The following ZNF253 variants were observed in gnomAD, a reference collection of about 807,000 sequenced individuals.
ZNF253 encodes the protein zinc finger protein 253, also known as DNA-binding protein.
A neutral mutation model predicts 11.9 loss-of-function variants in ZNF253; 8 were observed. The ratio of observed to expected loss-of-function variants is 0.67; its 90% CI spans 0.40 to 1.22. The LOEUF is 1.22. Ranked by LOEUF, ZNF253 falls within the 50% of genes most tolerant of loss-of-function variation. The probability of loss-of-function intolerance (pLI) is 0.01; values close to 1 mark genes in which losing one functional copy is unlikely to be tolerated. For synonymous variants in ZNF253, 194 were observed against 194.9 expected (o/e 1.00, Z 0.04); for missense variants, 485 against 586.9 (o/e 0.83, Z 1.79).
chr19:19,889,798 C>T (rs779503512), intron 3 of ZNF253, among the ~76,000 whole-genome samples: 4 of 151,836 alleles, frequency 2.6e-5, no homozygotes, highest in Non-Finnish European at 4.4e-5. Context: ...TGCCACCACG[C>T]CCAGCTAATT....
intron 3 of ZNF253, among the ~76,000 whole-genome samples, chr19:19,884,668 C>T (rs540925780): frequency 1.1e-4 from 16 of 150,320 alleles, no homozygotes; most frequent in African/African-American, 3.3e-4. Flanking sequence ...CACTACACTT[C>T]GCCTGTGTTA....
At chr19:19,873,655 G>A (rs915012322) in intron 1 of ZNF253, among the ~76,000 whole-genome samples, 3 of 151,988 alleles carry the variant, frequency 2.0e-5, no homozygotes, top group Non-Finnish European at 2.9e-5. Flanking sequence ...GAGATCTGGA[G>A]ACCCAAATAG....
intron 1 of ZNF253, among the ~76,000 whole-genome samples, chr19:19,866,473 C>T (rs1255508705): frequency 6.6e-6 from 1 of 151,122 alleles, no homozygotes; most frequent in Non-Finnish European, 1.5e-5. Context: ...GACCTGATCG[C>T]AAGAGCACAC....
At chr19:19,887,593 T>C (rs1316047766) in intron 3 of ZNF253, among the ~76,000 whole-genome samples, 2 of 152,056 alleles carry the variant, frequency 1.3e-5, no homozygotes, top group African/African-American at 4.8e-5. Context: ...GTACATTTTA[T>C]AAAATATGAC....
chr19:19,877,991 G>A (rs146180888), intron 1 of ZNF253, among the ~76,000 whole-genome samples: 15 of 151,962 alleles, frequency 9.9e-5, no homozygotes, highest in South Asian at 4.2e-4. Flanking sequence ...ACAAAATACC[G>A]TTCTTGGGCC....
chr19:19,883,567 CCT>C (rs1247389378), intron 3 of ZNF253, among the ~76,000 whole-genome samples: 1 of 151,366 alleles, frequency 6.6e-6, no homozygotes, highest in African/African-American at 2.4e-5. Context: ...AGAGTGAGAC[CCT>C]GTCTCAAAAA....
Position 19,892,475 on chromosome 19 carries a change from A to G in ZNF253, c.1228A>G (p.Ile410Val). The G allele has an allele frequency of 1.2e-6, 2 of 1,613,618 alleles. 1 individual carries two copies. ...TGGCAAAACCTTTACCTGGCCCTCA[A>G]TCCTCTCCAAACATAAAAGAACTCA... The part of the protein sequence containing the change: ...ECGKTFTWPS[I>V]LSKHKRTHTG... The change falls in exon 4 of 4, where the codon ATC (isoleucine) becomes GTC (valine). Residue 410 changes from isoleucine (I) to valine (V), a missense_variant. Physicochemically the swap from Ile to Val is conservative, Grantham distance 29 (BLOSUM62 3). Coordinates refer to ENST00000589717, the MANE Select transcript of ZNF253 (RefSeq NM_021047.3).
intron 1 of ZNF253, 91 bp from the exon 2 acceptor site, chr19:19,878,390 C>T (rs2122121577): frequency 6.2e-7 from 1 of 1,600,846 alleles, no homozygotes; most frequent in Admixed American, 1.7e-5. Context: ...GAGTCAGAAC[C>T]AGTTCTCTTT....
Position 19,885,338 on chromosome 19 carries a change from C to CT in ZNF253, c.226+5195dup, listed in dbSNP as rs1568499239. 3.0e-5 allele frequency among the ~76,000 whole-genome samples: 2 copies of CT among 66,078 alleles called. 1 individual carries two copies. The highest frequency in any genetic ancestry group is 4.8e-5 in the Non-Finnish European group (2 of 41,698). The allele number at this position is 66,078 out of a possible 152,430, so 43.3% of individuals were successfully genotyped here. The stretch of plus-strand genomic sequence containing the variant: ...TCTTTCTTTCTTTCTTTCTTTCTTT[C>CT]TTTCTTTCTTTCTTTCTTCCTTTCT... On this transcript the variant is annotated intron_variant, in intron 3 of 3. Transcript: ENST00000589717.
chr19:19,888,095 G>A (rs1001817349), intron 3 of ZNF253, among the ~76,000 whole-genome samples: 6 of 151,382 alleles, frequency 4.0e-5, no homozygotes, highest in Admixed American at 2.6e-4. Flanking sequence ...ACGGAATCTT[G>A]GTCTATCACT....
At chr19:19,888,952 A>G (rs1168907561) in intron 3 of ZNF253, among the ~76,000 whole-genome samples, 2 of 151,828 alleles carry the variant, frequency 1.3e-5, no homozygotes, top group African/African-American at 4.8e-5. Context: ...TTTTTATATG[A>G]TAGTACAATT....
chr19:19,892,435 C>A lies in ZNF253; in HGVS notation c.1188C>A (p.Tyr396Ter). 6.2e-7 allele frequency: 1 copy of A among 1,613,922 alleles called. No individual in the cohort carries two copies. The highest frequency in any genetic ancestry group is 1.1e-5 in the South Asian group (1 of 91,066). Residue 396 changes from tyrosine (Y) to a stop codon, truncating the protein, a stop_gained, in exon 4 of 4, where the codon TAC becomes TAA. Coordinates refer to ENST00000589717, the MANE Select transcript of ZNF253 (RefSeq NM_021047.3). LOFTEE classifies it low-confidence loss of function (END_TRUNC). ...AAATTCATACTGGAGAGAAACCCTA[C>A]AAATGTGATGAATGTGGCAAAACCT... is the stretch of plus-strand genomic sequence containing the variant. ...HEKIHTGEKP[Y>*]KCDECGKTFT...
At chr19:19,873,694 C>A (rs2063143628) in intron 1 of ZNF253, among the ~76,000 whole-genome samples, 1 of 151,760 alleles carries the variant, frequency 6.6e-6, no homozygotes, top group South Asian at 2.1e-4. Context: ...TCTCATATAA[C>A]CATTAAAAAA....
At chr19:19,866,148 C>A in intron 1 of ZNF253, 149 bp downstream of exon 1, 2 of 1,037,856 alleles carry the variant, frequency 1.9e-6, no homozygotes, top group Non-Finnish European at 2.9e-6. Flanking sequence ...TCCCCTTCAG[C>A]CATAAGATGG....
chr19:19,887,242 T>A lies in ZNF253; in HGVS notation c.227-4232T>A, dbSNP rs1263928248. 4.6e-5 allele frequency among the ~76,000 whole-genome samples: 7 copies of A among 151,956 alleles called. No individual in the cohort carries two copies. The East Asian group carries it at 1.3e-3, about 29-fold the overall frequency. ...TGAGTCTCTTGTAGGCAGCGTACTG[T>A]ATGCTTTTTAAAAACCACTCAGGCA... On this transcript the variant is annotated intron_variant, in intron 3 of 3. Coordinates refer to ENST00000589717, the MANE Select transcript of ZNF253 (RefSeq NM_021047.3).
chr19:19,885,350 CT>C, intron 3 of ZNF253, among the ~76,000 whole-genome samples: 139 of 58,852 alleles, frequency 2.4e-3, no homozygotes, highest in Admixed American at 0.01. Context: ...TTCTTTCTTT[CT>C]TTCTTCCTTT....
intron 3 of ZNF253, among the ~76,000 whole-genome samples, chr19:19,889,985 A>G (rs1410334011): frequency 6.6e-6 from 1 of 152,260 alleles, no homozygotes; most frequent in African/African-American, 2.4e-5. Flanking sequence ...TTCACTTTTT[A>G]TGGCTGCTTT....
chr19:19,885,275 CTTTCTTTCTTTCTTTCTCTTTCTTTT>C (rs1568498804), intron 3 of ZNF253, among the ~76,000 whole-genome samples: 623 of 45,518 alleles, frequency 0.014, 64 homozygotes, highest in African/African-American at 0.14. Context: ...TTCTTTCTTT[CTTTCTTTCTTTCTTTCTCTTTCTTTT>C]CTTTCTTTCT....
chr19:19,892,504 T>C lies in ZNF253; in HGVS notation c.1257T>C (p.Thr419=), dbSNP rs992265955. The C allele has an allele frequency of 1.1e-5, 17 of 1,613,304 alleles. No individual in the cohort carries two copies. Among genetic ancestry groups the C allele is most frequent in the Admixed American group, 1.7e-5 (1 of 59,926 alleles). Residue 419 remains threonine, a synonymous_variant, in exon 4 of 4, where the codon ACT becomes ACC. Transcript: ENST00000589717. ...TCTCCAAACATAAAAGAACTCATAC[T>C]GGAGAGAAACCCTACAAATGTGAAG... The part of the protein sequence containing the change: ...SILSKHKRTH[T]GEKPYKCEEC...
Sources: allele counts gnomAD v4.1 joint callset (sites outside exome capture counted in the v4.1 genomes callset), GRCh38; gene constraint gnomAD v4.1.1; transcripts MANE v1.5; gene names NCBI Gene and HGNC (gene_info 2026-07-23, HGNC 2026-07-21).